IL1RAPL2: variants seen among roughly 807,000 people sequenced by gnomAD.
The protein encoded by IL1RAPL2 is interleukin 1 receptor accessory protein like 2.
A neutral mutation model predicts 44.1 loss-of-function variants in IL1RAPL2; 3 were observed. That is an observed-to-expected ratio of 0.07 (90% CI 0.03 to 0.18). IL1RAPL2 has a LOEUF of 0.18. Among genes scored for constraint, IL1RAPL2 ranks in the 10% least tolerant of loss-of-function variants. The pLI is 1.00. For synonymous variants in IL1RAPL2, 181 were observed against 178.8 expected (o/e 1.01, Z -0.10); for missense variants, 391 against 496.4 (o/e 0.79, Z 2.02).
intron 2 of IL1RAPL2, among the ~76,000 whole-genome samples, chrX:104,753,797 T>C (rs1234997530): frequency 9.0e-6 from 1 of 111,676 alleles, no homozygotes; most frequent in Non-Finnish European, 1.9e-5. Flanking sequence ...GAATAAAACA[T>C]ATGCAGCTGC....
intron 2 of IL1RAPL2, among the ~76,000 whole-genome samples, chrX:104,687,698 C>G (rs140334960): frequency 9.0e-6 from 1 of 111,347 alleles, no homozygotes; most frequent in Non-Finnish European, 1.9e-5. Context: ...AAATTTCTGT[C>G]TTTGCCCTGG....
intron 5 of IL1RAPL2, among the ~76,000 whole-genome samples, chrX:105,347,826 A>G (rs939388504): frequency 2.2e-4 from 24 of 111,508 alleles, no homozygotes; most frequent in African/African-American, 6.8e-4. Flanking sequence ...CCAGTAGCAC[A>G]CATACTCCAC....
rs184101005 is a variant in IL1RAPL2, at chrX:104,901,159, A to G, written c.82+242164A>G. Among the ~76,000 whole-genome samples the G allele has an allele frequency of 7.4e-5, 7 of 94,666 alleles. No homozygotes were observed. In the East Asian group the frequency reaches 2.3e-3, roughly 31 times the overall value. The allele number at this position is 94,666 out of a possible 115,157, so 82.2% of individuals were successfully genotyped here. A position where few individuals can be genotyped will look rare whatever the true frequency, so the allele number is the denominator to read the frequency against. On this transcript the variant is annotated intron_variant, in intron 2 of 10. Coordinates refer to ENST00000372582, the MANE Select transcript of IL1RAPL2 (RefSeq NM_017416.2). ...GATTGATTTCTGTGAACATTTTAAA[A>G]TTTTCAGGTGATTGAGGAGTTGGTT...
intron 2 of IL1RAPL2, among the ~76,000 whole-genome samples, chrX:105,052,776 G>A (rs2031944409): frequency 9.2e-6 from 1 of 109,084 alleles, no homozygotes; most frequent in Non-Finnish European, 1.9e-5. Flanking sequence ...TGTTACATAG[G>A]TATACATGTG....
At chrX:104,721,650 C>T (rs973281290) in intron 2 of IL1RAPL2, among the ~76,000 whole-genome samples, 1 of 110,016 alleles carries the variant, frequency 9.1e-6, no homozygotes, top group Non-Finnish European at 1.9e-5. Context: ...TGTAACAAAC[C>T]TGCACGTCCT....
chrX:105,765,077 C>A (rs1230986758), intron 10 of IL1RAPL2: 2 of 106,846 alleles, frequency 1.9e-5, no homozygotes, highest in African/African-American at 7.1e-5. Flanking sequence ...TTCATTGACT[C>A]CTGCACTGAT....
At chrX:105,017,996 G>A (rs761995846) in intron 2 of IL1RAPL2, among the ~76,000 whole-genome samples, 3 of 111,519 alleles carry the variant, frequency 2.7e-5, no homozygotes, top group Non-Finnish European at 5.7e-5. Flanking sequence ...ACTAAGAGAG[G>A]CCTCTTGACC....
intron 7 of IL1RAPL2, among the ~76,000 whole-genome samples, chrX:105,717,859 G>A (rs1042094798): frequency 8.9e-6 from 1 of 112,252 alleles, no homozygotes; most frequent in African/African-American, 3.2e-5. Flanking sequence ...ACCTTCATAT[G>A]TCATAAGTGT....
At chrX:104,754,794 C>G (rs997048311) in intron 2 of IL1RAPL2, among the ~76,000 whole-genome samples, 13 of 111,854 alleles carry the variant, frequency 1.2e-4, no homozygotes, top group Non-Finnish European at 7.6e-5. Flanking sequence ...TAAATGTTAA[C>G]CAGTAGACTG....
intron 2 of IL1RAPL2, among the ~76,000 whole-genome samples, chrX:104,903,060 T>G: frequency 9.0e-6 from 1 of 111,628 alleles, no homozygotes; most frequent in Non-Finnish European, 1.9e-5. Flanking sequence ...CTATTAGAAC[T>G]GTAGCTTTTT....
intron 2 of IL1RAPL2, among the ~76,000 whole-genome samples, chrX:105,158,804 T>C (rs968044580): frequency 8.9e-6 from 1 of 111,971 alleles, no homozygotes; most frequent in Non-Finnish European, 1.9e-5. Flanking sequence ...CCATTTCTTC[T>C]ATTAACTAGC....
At chrX:104,602,156 T>G (rs1192375243) in intron 1 of IL1RAPL2, among the ~76,000 whole-genome samples, 1 of 111,383 alleles carries the variant, frequency 9.0e-6, no homozygotes, top group African/African-American at 3.3e-5. Context: ...TGGGACTGGT[T>G]GGACAGTGGT....
chrX:104,667,037 ACCTTCC>A (rs1930498344), intron 2 of IL1RAPL2, among the ~76,000 whole-genome samples: 1 of 110,897 alleles, frequency 9.0e-6, no homozygotes, highest in South Asian at 4.0e-4. Flanking sequence ...ACATTCAATG[ACCTTCC>A]CCCAGGCTAA....
chrX:104,824,413 T>A (rs1921394512), intron 2 of IL1RAPL2, among the ~76,000 whole-genome samples: 1 of 112,075 alleles, frequency 8.9e-6, no homozygotes, highest in Admixed American at 9.5e-5. Flanking sequence ...TAAAATGAGT[T>A]AAGGAGGAGT....
chrX:104,847,860 T>C (rs1312728327), intron 2 of IL1RAPL2, among the ~76,000 whole-genome samples: 2 of 111,484 alleles, frequency 1.8e-5, no homozygotes, highest in East Asian at 5.6e-4. Context: ...GTATCCTCTT[T>C]TATTTCATTG....
chrX:105,139,618 C>A (rs1169115952), intron 2 of IL1RAPL2, among the ~76,000 whole-genome samples: 2 of 111,696 alleles, frequency 1.8e-5, no homozygotes, highest in Non-Finnish European at 3.8e-5. Context: ...AAATTGCTGG[C>A]TTCTCCTTGT....
chrX:105,721,622 T>C (rs2147557406), intron 7 of IL1RAPL2, among the ~76,000 whole-genome samples: 1 of 111,398 alleles, frequency 9.0e-6, no homozygotes, highest in Admixed American at 9.6e-5. Flanking sequence ...TGATTAGAGT[T>C]GGTGGGAGAC....
At chrX:104,849,444 T>C (rs887952018) in intron 2 of IL1RAPL2, among the ~76,000 whole-genome samples, 80 of 103,854 alleles carry the variant, frequency 7.7e-4, no homozygotes, top group Non-Finnish European at 1.4e-3. Context: ...CCACTTTTTT[T>C]CCTTATGAAC....
At chrX:104,784,802 G>C (rs768437356) in intron 2 of IL1RAPL2, among the ~76,000 whole-genome samples, 4 of 108,224 alleles carry the variant, frequency 3.7e-5, no homozygotes, top group African/African-American at 1.3e-4. Flanking sequence ...ATCTGTAACT[G>C]TGCTCAGAAA....
Sources: gnomAD v4.1 joint callset for allele counts (sites outside exome capture counted in the v4.1 genomes callset) on GRCh38, gnomAD v4.1.1 for gene constraint, MANE v1.5 for transcripts, NCBI Gene and HGNC (gene_info 2026-07-23, HGNC 2026-07-21) for gene names.